PATJ: variants seen among roughly 807,000 people sequenced by gnomAD.
PATJ encodes the protein inaD-like protein.
A neutral mutation model predicts 224.9 loss-of-function variants in PATJ; 190 were observed. The observed-to-expected ratio is 0.84, with a 90% CI of 0.75 to 0.95. PATJ has a LOEUF of 0.95. Ranked by LOEUF, PATJ falls within the 40% of genes least tolerant of loss-of-function variation. The pLI is 0.00. For missense variants in PATJ, 2,121 were observed against 2,270.3 expected, an observed-to-expected ratio of 0.93 and a Z score of 1.34; for synonymous variants, 769 against 820.3, an observed-to-expected ratio of 0.94 and a Z score of 1.07.
At chr1:61,947,733 C>T (rs1337393798) in intron 27 of PATJ, among the ~76,000 whole-genome samples, 1 of 152,050 alleles carries the variant, frequency 6.6e-6, no homozygotes, top group African/African-American at 2.4e-5. Flanking sequence ...TCATATGGAA[C>T]CAAAAAAGAG....
intron 11 of PATJ, among the ~76,000 whole-genome samples, chr1:61,797,716 G>A (rs1040296238): frequency 3.3e-5 from 5 of 152,054 alleles, no homozygotes; most frequent in African/African-American, 7.2e-5. Context: ...CATTGATTAC[G>A]TATATTTGAA....
intron 27 of PATJ, among the ~76,000 whole-genome samples, chr1:61,952,682 T>C (rs1679892639): frequency 6.6e-6 from 1 of 152,226 alleles, no homozygotes; most frequent in South Asian, 2.1e-4. Context: ...GTCAAAGATA[T>C]ACCAGTAGTT....
At chr1:61,853,098 T>G (rs1663098446) in intron 17 of PATJ, among the ~76,000 whole-genome samples, 2 of 152,206 alleles carry the variant, frequency 1.3e-5, no homozygotes, top group Non-Finnish European at 2.9e-5. Flanking sequence ...ACTAGTGGTC[T>G]AAACCTGAAT....
At chr1:62,046,685 G>A (rs1652630752) in intron 30 of PATJ, among the ~76,000 whole-genome samples, 1 of 152,214 alleles carries the variant, frequency 6.6e-6, no homozygotes, top group Non-Finnish European at 1.5e-5. Flanking sequence ...AATGTTAAGT[G>A]ACAGAGGAGG....
chr1:61,783,258 G>A (rs189153506), intron 7 of PATJ, among the ~76,000 whole-genome samples: 107 of 152,286 alleles, frequency 7.0e-4, no homozygotes, highest in Admixed American at 2.4e-3. Context: ...TTCCTTTAGG[G>A]AAACAGTGTA....
intron 28 of PATJ, among the ~76,000 whole-genome samples, chr1:61,998,017 T>A (rs1290888974): frequency 8.0e-6 from 1 of 124,864 alleles, no homozygotes; most frequent in African/African-American, 3.2e-5. Context: ...TATATATTAA[T>A]TATATATAAT....
At chr1:62,026,298 C>A (rs1281579520) in intron 29 of PATJ, among the ~76,000 whole-genome samples, 1 of 152,140 alleles carries the variant, frequency 6.6e-6, no homozygotes, top group Non-Finnish European at 1.5e-5. Context: ...TTACATGGAG[C>A]TTTCCTGGCT....
intron 14 of PATJ, among the ~76,000 whole-genome samples, chr1:61,813,314 A>ATCAACC (rs1655225377): frequency 7.1e-6 from 1 of 139,862 alleles, no homozygotes; most frequent in Non-Finnish European, 1.5e-5. Flanking sequence ...GTCTTTCCTG[A>ATCAACC]TCAACCTCTA....
intron 17 of PATJ, among the ~76,000 whole-genome samples, chr1:61,836,614 A>G (rs1660219922): frequency 1.3e-5 from 2 of 152,230 alleles, no homozygotes; most frequent in African/African-American, 4.8e-5. Flanking sequence ...TAGAACTGTT[A>G]TCTACCATGA....
rs556797044 is a variant in PATJ, at chr1:61,807,477, G to T, written c.1627-997G>T. 3.0e-4 allele frequency among the ~76,000 whole-genome samples: 46 copies of T among 152,198 alleles called. 1 individual carries two copies. Among genetic ancestry groups the T allele is most frequent in the African/African-American group, 1.1e-3 (45 of 41,532 alleles). Reference sequence around the variant, plus strand: ...AGACATGAGCCACTGCCAGCCTTCTGTTAAAATTTTATTCTCCTTATAATT... The same window carrying T: ...AGACATGAGCCACTGCCAGCCTTCTTTTAAAATTTTATTCTCCTTATAATT... On this transcript the variant is annotated intron_variant, in intron 13 of 43. Transcript: ENST00000642238.
chr1:61,868,646 A>C (rs1006695234), intron 20 of PATJ, among the ~76,000 whole-genome samples: 3 of 152,066 alleles, frequency 2.0e-5, no homozygotes, highest in Non-Finnish European at 4.4e-5. Context: ...AAAATTAGCC[A>C]GGCATGGTGG....
intron 30 of PATJ, among the ~76,000 whole-genome samples, chr1:62,050,384 T>A (rs891245438): frequency 6.6e-6 from 1 of 152,168 alleles, no homozygotes; most frequent in African/African-American, 2.4e-5. Flanking sequence ...CCAAGTTTGC[T>A]CAATCCAGTG....
chr1:61,861,005 T>C (rs115673012), intron 18 of PATJ, among the ~76,000 whole-genome samples: 2,287 of 151,702 alleles, frequency 0.015, 26 homozygotes, highest in South Asian at 0.074. Flanking sequence ...TTTTAGAGTA[T>C]ATATTAATGT....
At chr1:61,793,096 G>T (rs1650235938) in intron 9 of PATJ, among the ~76,000 whole-genome samples, 2 of 151,194 alleles carry the variant, frequency 1.3e-5, no homozygotes, top group South Asian at 2.1e-4. Flanking sequence ...TTTCTGAGAT[G>T]GAGTCTCGCT....
chr1:61,772,236 G>A (rs1347982992), intron 6 of PATJ, among the ~76,000 whole-genome samples: 10 of 150,882 alleles, frequency 6.6e-5, no homozygotes, highest in Non-Finnish European at 1.5e-4. Context: ...CCTTGGTGAT[G>A]TAGCCAATTA....
At chr1:62,148,708 T>C (rs1381934844) in intron 42 of PATJ, among the ~76,000 whole-genome samples, 3 of 152,230 alleles carry the variant, frequency 2.0e-5, no homozygotes, top group African/African-American at 2.4e-5. Context: ...CCTGAACTTC[T>C]AGGCTAAAAT....
At chr1:61,889,979 C>T (rs904335410) in intron 22 of PATJ, among the ~76,000 whole-genome samples, 3 of 152,198 alleles carry the variant, frequency 2.0e-5, no homozygotes, top group African/African-American at 4.8e-5. Context: ...TTCCTCATCT[C>T]GGTTATTTTT....
At position 62,138,328 on chromosome 1, in the gene PATJ, GAC is replaced by G. The variant is rs562465345; in HGVS notation, c.5271+9385_5271+9386del. Among the ~76,000 whole-genome samples the G allele has an allele frequency of 2.0e-5, 3 of 152,162 alleles. No individual in the cohort carries two copies. In the South Asian group the frequency reaches 6.2e-4, roughly 32 times the overall value. ...CTAAGTTTTCTGTTTGTTTGTTTGAGACAGAGTCTCACTCTGTCACCCAGGTT... is the reference window on the plus strand; with the variant it reads ...CTAAGTTTTCTGTTTGTTTGTTTGAGAGAGTCTCACTCTGTCACCCAGGTT... On this transcript the variant is annotated intron_variant, in intron 41 of 43. Coordinates refer to ENST00000642238, the MANE Select transcript of PATJ (RefSeq NM_001350145.3).
chr1:61,806,618 CAAA>C (rs112615750), intron 13 of PATJ, among the ~76,000 whole-genome samples: 8 of 75,000 alleles, frequency 1.1e-4, no homozygotes, highest in Non-Finnish European at 8.5e-5. Context: ...GATTCCGCCT[CAAA>C]AAAAAAAAAA....
Sources: gnomAD v4.1 joint callset for allele counts (sites outside exome capture counted in the v4.1 genomes callset) on GRCh38, gnomAD v4.1.1 for gene constraint, MANE v1.5 for transcripts, NCBI Gene and HGNC (gene_info 2026-07-23, HGNC 2026-07-21) for gene names.